TRNT1: variants seen among roughly 807,000 people sequenced by gnomAD.
TRNT1 encodes tRNA nucleotidyl transferase 1.
A neutral mutation model predicts 45.6 loss-of-function variants in TRNT1; 44 were observed. The observed-to-expected ratio is 0.97, with a 90% confidence interval of 0.76 to 1.24. The LOEUF (loss-of-function observed/expected upper bound fraction) is 1.24. Ranked by LOEUF, TRNT1 falls within the 50% of genes most tolerant of loss-of-function variation. The pLI is 0.00. For missense variants in TRNT1, 633 were observed against 504.4 expected, an observed-to-expected ratio of 1.25 and a Z score of -2.44; for synonymous variants, 201 against 171.4, an observed-to-expected ratio of 1.17 and a Z score of -1.35.
downstream of TRNT1, chr3:3,150,919 C>T (rs369965416): frequency 2.0e-5 from 33 of 1,613,790 alleles, no homozygotes; most frequent in Non-Finnish European, 2.5e-5. Flanking sequence ...TGTCTGGGAT[C>T]GTGGGCAACA....
downstream of TRNT1, chr3:3,150,660 G>T (rs1575075183): frequency 1.9e-6 from 1 of 518,316 alleles, no homozygotes; most frequent in East Asian, 3.5e-5. Context: ...TGGTATTCTA[G>T]ACTGCCGTTC....
intron 2 of TRNT1, chr3:3,131,664 A>G: frequency 8.4e-6 from 1 of 118,936 alleles, no homozygotes; most frequent in Non-Finnish European, 1.8e-5. Context: ...TGGCAACAAA[A>G]GCCAGAATTG....
chr3:3,128,918 TTC>T (rs1444762933), intron 1 of TRNT1, 94 bp from the exon 2 acceptor site: 2 of 942,590 alleles, frequency 2.1e-6, no homozygotes, highest in African/African-American at 1.6e-5. Context: ...AGAGATGAAT[TTC>T]TGAGTTGATA....
chr3:3,152,529 T>C, downstream of TRNT1: 1 of 1,613,662 alleles, frequency 6.2e-7, no homozygotes, highest in Non-Finnish European at 8.5e-7. Context: ...ACAGTAAGTG[T>C]CTCATGCACA....
chr3:3,137,790 T>C (rs1705419798), intron 3 of TRNT1, among the ~76,000 whole-genome samples: 1 of 152,240 alleles, frequency 6.6e-6, no homozygotes, highest in South Asian at 2.1e-4. Flanking sequence ...ATTCTCCTTC[T>C]TCTGTCTTCC....
intron 2 of TRNT1, chr3:3,131,166 T>G (rs138752822): frequency 9.8e-5 from 15 of 152,306 alleles, no homozygotes; most frequent in African/African-American, 3.6e-4. Flanking sequence ...ACATCTGAAT[T>G]CAGACTTACC....
intron 6 of TRNT1, 123 bp from the exon 7 acceptor site, chr3:3,147,327 G>A (rs1706109333): frequency 1.8e-6 from 2 of 1,099,180 alleles, no homozygotes; most frequent in Non-Finnish European, 2.6e-6. Context: ...ACATCAGACT[G>A]AACCTATATA....
At chr3:3,128,348 G>A (rs866778275) in intron 1 of TRNT1, among the ~76,000 whole-genome samples, 32 of 152,286 alleles carry the variant, frequency 2.1e-4, no homozygotes, top group Middle Eastern at 6.8e-3. Flanking sequence ...TGTAATCCCA[G>A]CACTTTGGGA....
chr3:3,127,308 G>C (rs1704647985), intron 1 of TRNT1: 1 of 152,296 alleles, frequency 6.6e-6, no homozygotes, highest in Non-Finnish European at 1.5e-5. Context: ...CGCCTTTTCA[G>C]GGCTGGGGTT....
At chr3:3,133,798 G>A (rs1705161128) in intron 2 of TRNT1, among the ~76,000 whole-genome samples, 1 of 152,054 alleles carries the variant, frequency 6.6e-6, no homozygotes, top group South Asian at 2.1e-4. Context: ...TCTTAGAACA[G>A]ATGGTCTGTT....
chr3:3,151,060 A>G, downstream of TRNT1: 2 of 1,613,514 alleles, frequency 1.2e-6, no homozygotes, highest in South Asian at 2.2e-5. Flanking sequence ...GAAATTAAGG[A>G]AAGATATCAG....
At chr3:3,129,758 G>C (rs893318186) in intron 2 of TRNT1, among the ~76,000 whole-genome samples, 1 of 152,198 alleles carries the variant, frequency 6.6e-6, no homozygotes, top group Admixed American at 6.5e-5. Flanking sequence ...TAATGAGTAC[G>C]CACATTTTGA....
chr3:3,151,667 TCA>T (rs1706561759), downstream of TRNT1, among the ~76,000 whole-genome samples: 1 of 152,174 alleles, frequency 6.6e-6, no homozygotes. Context: ...GTTTTAGTCC[TCA>T]CATAGGGTGC....
At position 3,129,072 on chromosome 3, in the gene TRNT1, CAGTGCTGAACCGTA is replaced by C. The variant is rs763685455; in HGVS notation, c.33_46del (p.Leu13GlufsTer2). 92 of 1,613,750 alleles carry C rather than the reference CAGTGCTGAACCGTA, an allele frequency of 5.7e-5. No homozygotes were observed. Among genetic ancestry groups the C allele is most frequent in the Non-Finnish European group, 7.5e-5 (88 of 1,179,842 alleles). ...AGGTGCCTGTATCATTGGCACAGGC[CAGTGCTGAACCGTA>C]GGTGGAGTAGGCTGTGCCTTCCGAA... On this transcript the variant is annotated frameshift_variant, in exon 2 of 8. Coordinates refer to ENST00000251607, the MANE Select transcript of TRNT1 (RefSeq NM_182916.3). LOFTEE classifies it high-confidence loss of function.
chr3:3,149,260 A>G (rs1489120078), downstream of TRNT1: 1 of 152,092 alleles, frequency 6.6e-6, no homozygotes, highest in African/African-American at 2.4e-5. Context: ...ATTATAAAAT[A>G]ATACTTTGAA....
rs908960894 is a variant in TRNT1 at position 3,129,158 on chromosome 3, C to G, written c.118C>G (p.Leu40Val). 5.0e-6 allele frequency: 8 copies of G among 1,614,162 alleles called. No homozygotes were observed. Among genetic ancestry groups the G allele is most frequent in the South Asian group, 4.4e-5 (4 of 91,088 alleles). ...MKLQSPEFQS[L>V]FTEGLKSLTE... Reference sequence around the variant, plus strand: ...GTTGCAGTCTCCCGAATTCCAGTCACTTTTCACAGAAGGACTGAAGAGTCT... The same window carrying G: ...GTTGCAGTCTCCCGAATTCCAGTCAGTTTTCACAGAAGGACTGAAGAGTCT... Residue 40 changes from leucine to valine, a missense_variant, in exon 2 of 8, where the codon CTT becomes GTT. Coordinates refer to ENST00000251607, the MANE Select transcript of TRNT1 (RefSeq NM_182916.3).
intron 2 of TRNT1, chr3:3,136,820 A>G (rs986520350): frequency 2.4e-5 from 8 of 331,734 alleles, no homozygotes; most frequent in Admixed American, 4.3e-5. Flanking sequence ...GAACCTGGCT[A>G]TTTTTATTTT....
chr3:3,127,575 A>G (rs1319354797), intron 1 of TRNT1: 3 of 152,718 alleles, frequency 2.0e-5, no homozygotes, highest in African/African-American at 7.2e-5. Context: ...GGAGATTGCA[A>G]GATGGCAGGA....
At chr3:3,152,115 T>C (rs2126049982), downstream of TRNT1, among the ~76,000 whole-genome samples, 1 of 152,062 alleles carries the variant, frequency 6.6e-6, no homozygotes, top group Admixed American at 6.6e-5. Flanking sequence ...AACAGATGTT[T>C]CTAGCTATTT....
Sources: gnomAD v4.1 joint callset for allele counts (sites outside exome capture counted in the v4.1 genomes callset) on GRCh38, gnomAD v4.1.1 for gene constraint, MANE v1.5 for transcripts, NCBI Gene and HGNC (gene_info 2026-07-23, HGNC 2026-07-21) for gene names.